BCKDHB: variants seen among roughly 807,000 people sequenced by gnomAD.
The protein encoded by BCKDHB is 2-oxoisovalerate dehydrogenase subunit beta, mitochondrial.
In BCKDHB, 41 loss-of-function variants were observed where a neutral mutation model predicts 48.5. The observed-to-expected ratio is 0.85, with a 90% CI of 0.66 to 1.10. The LOEUF is 1.10. Among genes scored for constraint, BCKDHB ranks in the 50% least tolerant of loss-of-function variants. BCKDHB has a pLI of 0.00. For synonymous variants in BCKDHB, 201 were observed against 174.8 expected, an observed-to-expected ratio of 1.15 and a Z score of -1.18; for missense variants, 496 against 494.2, an observed-to-expected ratio of 1.00 and a Z score of -0.03.
the BCKDHB span, among the ~76,000 whole-genome samples, chr6:80,438,114 A>G: frequency 1.3e-5 from 2 of 152,254 alleles, no homozygotes; most frequent in Non-Finnish European, 2.9e-5. Context: ...GAAGGAATAC[A>G]AAGGCAAATT....
chr6:80,271,849 T>C (rs1777759357), intron 8 of BCKDHB, among the ~76,000 whole-genome samples: 1 of 32,618 alleles, frequency 3.1e-5, no homozygotes, highest in South Asian at 1.1e-3. Context: ...GATTGTCAAA[T>C]CTTTTTTTTT....
intron 1 of BCKDHB, among the ~76,000 whole-genome samples, chr6:80,117,168 A>G (rs1179721883): frequency 3.3e-5 from 5 of 152,210 alleles, no homozygotes; most frequent in African/African-American, 1.2e-4. Flanking sequence ...CCAAAACCCT[A>G]AAATTTTGAA....
the BCKDHB span, among the ~76,000 whole-genome samples, chr6:80,435,693 A>T: frequency 2.6e-5 from 4 of 152,196 alleles, no homozygotes; most frequent in Non-Finnish European, 4.4e-5. Context: ...TTTGGTATAT[A>T]TACTGAAGCT....
intron 3 of BCKDHB, among the ~76,000 whole-genome samples, chr6:80,167,242 T>G (rs936655765): frequency 6.6e-6 from 1 of 152,122 alleles, no homozygotes; most frequent in African/African-American, 2.4e-5. Flanking sequence ...TTTTTCCTTC[T>G]TTTTTCTTTT....
chr6:80,362,289 C>A, the BCKDHB span, among the ~76,000 whole-genome samples: 1 of 152,080 alleles, frequency 6.6e-6, no homozygotes, highest in South Asian at 2.1e-4. Flanking sequence ...CCCCAAGTTC[C>A]TGGTTCAATG....
At chr6:80,446,720 A>AT in the BCKDHB span, among the ~76,000 whole-genome samples, 4,209 of 111,272 alleles carry the variant, frequency 0.038, 76 homozygotes, top group African/African-American at 0.05. Context: ...CTTCTGGACA[A>AT]TTTTTTTTTT....
chr6:80,439,259 G>A, the BCKDHB span, among the ~76,000 whole-genome samples: 1 of 152,160 alleles, frequency 6.6e-6, no homozygotes, highest in Non-Finnish European at 1.5e-5. Flanking sequence ...AACAGATTTT[G>A]GTGGAACTCA....
At chr6:80,127,511 C>G (rs373278318) in intron 1 of BCKDHB, 36 bp from the exon 2 acceptor site, 7 of 1,552,870 alleles carry the variant, frequency 4.5e-6, no homozygotes, top group Non-Finnish European at 6.2e-6. Context: ...ATGTATTTTA[C>G]AACACACGAA....
intron 8 of BCKDHB, among the ~76,000 whole-genome samples, chr6:80,223,019 A>G (rs906348895): frequency 3.9e-5 from 6 of 152,218 alleles, no homozygotes; most frequent in South Asian, 2.1e-4. Flanking sequence ...AGATCTAAAG[A>G]TGATATATTG....
chr6:80,313,704 C>T (rs953935151), intron 9 of BCKDHB, among the ~76,000 whole-genome samples: 2 of 152,138 alleles, frequency 1.3e-5, no homozygotes, highest in African/African-American at 2.4e-5. Context: ...TTTCAAAAAA[C>T]CAGATCCTAG....
intron 8 of BCKDHB, among the ~76,000 whole-genome samples, chr6:80,220,400 G>T (rs1562148139): frequency 3.8e-5 from 2 of 52,984 alleles, no homozygotes; most frequent in Admixed American, 2.5e-4. Flanking sequence ...TGTTTCTTTA[G>T]TAGTGTTTTT....
chr6:80,291,947 C>T (rs1201332619), intron 9 of BCKDHB, among the ~76,000 whole-genome samples: 1 of 152,194 alleles, frequency 6.6e-6, no homozygotes, highest in Non-Finnish European at 1.5e-5. Context: ...TGATGGAACT[C>T]TGTTCCATGA....
At chr6:80,133,198 A>G (rs1381704201) in intron 3 of BCKDHB, among the ~76,000 whole-genome samples, 5 of 152,254 alleles carry the variant, frequency 3.3e-5, no homozygotes, top group Admixed American at 3.3e-4. Flanking sequence ...GAACTGCTGC[A>G]AAGCATTTTA....
the BCKDHB span, among the ~76,000 whole-genome samples, chr6:80,397,446 CAG>C: frequency 6.6e-6 from 1 of 152,098 alleles, no homozygotes; most frequent in African/African-American, 2.4e-5. Context: ...AATTATTTAA[CAG>C]AGATATCAAG....
chr6:80,412,170 G>C, the BCKDHB span, among the ~76,000 whole-genome samples: 5 of 131,540 alleles, frequency 3.8e-5, no homozygotes, highest in East Asian at 1.2e-3. Flanking sequence ...TTTTTAGACA[G>C]AATCTCACTG....
chr6:80,192,822 C>CA (rs1554193430), intron 6 of BCKDHB, among the ~76,000 whole-genome samples: 2,895 of 145,270 alleles, frequency 0.02, 97 homozygotes, highest in African/African-American at 0.07. Context: ...TATTTGCCAA[C>CA]TTTTTTTTTT....
chr6:80,138,414 G>C (rs1014749575), intron 3 of BCKDHB, among the ~76,000 whole-genome samples: 1 of 151,850 alleles, frequency 6.6e-6, no homozygotes, highest in Non-Finnish European at 1.5e-5. Flanking sequence ...TCTAGCATTA[G>C]GTATATCTCC....
chr6:80,236,147 A>G (rs1439087117), intron 8 of BCKDHB, among the ~76,000 whole-genome samples: 3 of 143,894 alleles, frequency 2.1e-5, no homozygotes, highest in Non-Finnish European at 4.5e-5. Flanking sequence ...CTTTAATAAA[A>G]TATCAGACTG....
At chr6:80,234,083 A>G (rs183580955) in intron 8 of BCKDHB, among the ~76,000 whole-genome samples, 62 of 152,166 alleles carry the variant, frequency 4.1e-4, no homozygotes, top group African/African-American at 1.3e-3. Context: ...TTCTATGAGA[A>G]TCGAATGCCA....
Sources: gnomAD v4.1 joint callset for allele counts (sites outside exome capture counted in the v4.1 genomes callset) on GRCh38, gnomAD v4.1.1 for gene constraint, MANE v1.5 for transcripts, NCBI Gene and HGNC (gene_info 2026-07-23, HGNC 2026-07-21) for gene names.